Variants in GPC5 observed in about 807,000 individuals in gnomAD.
GPC5 encodes the protein glypican 5, also known as glypican-5.
A neutral mutation model predicts 53.9 loss-of-function variants in GPC5; 47 were observed. The observed-to-expected ratio is 0.87, with a 90% confidence interval of 0.69 to 1.11. GPC5 has a LOEUF of 1.11. GPC5 is among the 50% of genes most tolerant of loss of function. The pLI is 0.00. For missense variants in GPC5, 748 were observed against 713.1 expected (o/e 1.05, Z -0.56); for synonymous variants, 286 against 263.3 (o/e 1.09, Z -0.84).
intron 2 of GPC5, among the ~76,000 whole-genome samples, chr13:91,577,518 C>T (rs528788321): frequency 6.6e-6 from 1 of 152,156 alleles, no homozygotes. Flanking sequence ...TGCTACCTTC[C>T]CTGACTGTTG....
chr13:92,119,520 C>T (rs1441097518), intron 6 of GPC5, among the ~76,000 whole-genome samples: 1 of 148,734 alleles, frequency 6.7e-6, no homozygotes, highest in Non-Finnish European at 1.5e-5. Flanking sequence ...CTGCCTCAGC[C>T]TCCCACGTAG....
intron 7 of GPC5, among the ~76,000 whole-genome samples, chr13:92,300,327 T>C (rs1029443855): frequency 2.6e-5 from 4 of 152,190 alleles, no homozygotes; most frequent in African/African-American, 9.7e-5. Context: ...TTTTTAATAC[T>C]AAAGCAGTGG....
intron 2 of GPC5, among the ~76,000 whole-genome samples, chr13:91,656,254 A>G (rs181900437): frequency 5.8e-4 from 88 of 152,302 alleles, no homozygotes; most frequent in Non-Finnish European, 1.1e-3. Flanking sequence ...TGCTTTCTGT[A>G]GATGTAAAGT....
intron 7 of GPC5, among the ~76,000 whole-genome samples, chr13:92,859,077 C>G (rs930655157): frequency 6.6e-6 from 1 of 151,888 alleles, no homozygotes; most frequent in African/African-American, 2.4e-5. Context: ...CCCATCTCTA[C>G]AAAAAACTTT....
rs527632010 is a variant in GPC5 at position 92,202,943 on chromosome 13, GA to G, written c.1561+57962del. ...ACTTATGCTCCTTATTAATTTACAA[GA>G]AAAAAAATTATGAAATATTAGAACT... On this transcript the variant is annotated intron_variant, in intron 7 of 7. Transcript: ENST00000377067. Among the ~76,000 whole-genome samples, 36 of 151,382 alleles carry G rather than the reference GA, an allele frequency of 2.4e-4. 1 individual carries two copies. Among genetic ancestry groups the G allele is most frequent in the African/African-American group, 4.6e-4 (19 of 41,174 alleles).
chr13:92,443,338 C>T (rs2139388548), intron 7 of GPC5, among the ~76,000 whole-genome samples: 1 of 152,330 alleles, frequency 6.6e-6, no homozygotes, highest in African/African-American at 2.4e-5. Flanking sequence ...CATATTTCAA[C>T]ATGAGACTTG....
intron 7 of GPC5, among the ~76,000 whole-genome samples, chr13:92,493,199 T>C (rs778389622): frequency 6.6e-6 from 1 of 152,186 alleles, no homozygotes; most frequent in South Asian, 2.1e-4. Flanking sequence ...TATTGACATG[T>C]ACACATTAAT....
rs550949746 is a variant in GPC5 at position 92,148,617 on chromosome 13, G to A, written c.1561+3628G>A. On this transcript the variant is annotated intron_variant, in intron 7 of 7. Transcript: ENST00000377067. ...TCCACATTTTTATTATATGTATTTG[G>A]TTCATTTACATAGATATAGATAGTT... Among the ~76,000 whole-genome samples the A allele has an allele frequency of 2.1e-4, 32 of 152,058 alleles. No individual in the cohort carries two copies. In the South Asian group the frequency reaches 6.6e-3, roughly 31 times the overall value.
intron 2 of GPC5, among the ~76,000 whole-genome samples, chr13:91,611,218 G>A (rs1419294926): frequency 6.6e-6 from 1 of 152,138 alleles, no homozygotes; most frequent in African/African-American, 2.4e-5. Flanking sequence ...ATGAAAACTA[G>A]TACAAGAATA....
chr13:91,810,684 C>T (rs1025523922), intron 5 of GPC5, among the ~76,000 whole-genome samples: 10 of 151,770 alleles, frequency 6.6e-5, no homozygotes, highest in East Asian at 1.9e-4. Flanking sequence ...CAATAGTAGA[C>T]GGATGATTGA....
chr13:92,613,864 A>C (rs1429477656), intron 7 of GPC5, among the ~76,000 whole-genome samples: 1 of 151,494 alleles, frequency 6.6e-6, no homozygotes, highest in African/African-American at 2.4e-5. Context: ...CTCTAAAAAA[A>C]TTCTTTTAAA....
intron 2 of GPC5, among the ~76,000 whole-genome samples, chr13:91,451,799 G>T (rs1337093124): frequency 6.6e-6 from 1 of 151,420 alleles, no homozygotes; most frequent in Non-Finnish European, 1.5e-5. Context: ...TGTATTTTTA[G>T]TAGAGACGGG....
intron 5 of GPC5, among the ~76,000 whole-genome samples, chr13:91,870,763 T>C (rs2039135387): frequency 6.6e-6 from 1 of 152,232 alleles, no homozygotes; most frequent in South Asian, 2.1e-4. Context: ...TATATTTGAG[T>C]TATTTTTTTC....
chr13:91,993,188 G>T (rs980893822), intron 6 of GPC5, among the ~76,000 whole-genome samples: 1 of 152,162 alleles, frequency 6.6e-6, no homozygotes, highest in Non-Finnish European at 1.5e-5. Context: ...AAAGAACACA[G>T]CTCTGTTGGA....
intron 7 of GPC5, among the ~76,000 whole-genome samples, chr13:92,243,109 C>T (rs1409712879): frequency 2.0e-5 from 3 of 152,122 alleles, no homozygotes; most frequent in African/African-American, 2.4e-5. Context: ...AAATGATCCT[C>T]GCTACAAGCC....
At chr13:92,508,385 G>T (rs866833991) in intron 7 of GPC5, among the ~76,000 whole-genome samples, 21 of 152,054 alleles carry the variant, frequency 1.4e-4, no homozygotes, top group Non-Finnish European at 2.9e-5. Context: ...CTCAGCTTGG[G>T]TACAATAATA....
intron 6 of GPC5, among the ~76,000 whole-genome samples, chr13:92,052,584 C>T (rs1036152115): frequency 1.3e-5 from 2 of 152,078 alleles, no homozygotes; most frequent in African/African-American, 4.8e-5. Context: ...TTTAGCTAGG[C>T]ACAGAGTGCT....
chr13:91,404,030 G>A (rs1877142670), intron 1 of GPC5, among the ~76,000 whole-genome samples: 1 of 152,158 alleles, frequency 6.6e-6, no homozygotes, highest in Admixed American at 6.5e-5. Flanking sequence ...GGTACAACTT[G>A]AGGAATTTAA....
intron 3 of GPC5, among the ~76,000 whole-genome samples, chr13:91,710,649 A>T (rs1014416117): frequency 6.6e-6 from 1 of 152,196 alleles, no homozygotes; most frequent in African/African-American, 2.4e-5. Context: ...TCTCCACTGC[A>T]TGTACTGTCT....
Sources: allele counts gnomAD v4.1 joint callset (sites outside exome capture counted in the v4.1 genomes callset), GRCh38; gene constraint gnomAD v4.1.1; transcripts MANE v1.5; gene names NCBI Gene and HGNC (gene_info 2026-07-23, HGNC 2026-07-21).